Variants in RUNX3 observed in about 807,000 individuals in gnomAD.
RUNX3 encodes the protein runt-related transcription factor 3.
Under a neutral mutation model 27.7 loss-of-function variants are expected in RUNX3, and 10 were observed. That is an observed-to-expected ratio of 0.36 (90% CI 0.22 to 0.61). RUNX3 has a LOEUF of 0.61. Among genes scored for constraint, RUNX3 ranks in the 20% least tolerant of loss-of-function variants. RUNX3 has a pLI of 0.72. For missense variants in RUNX3, 469 were observed against 629.5 expected, an observed-to-expected ratio of 0.75 and a Z score of 2.73; for synonymous variants, 270 against 269.2, an observed-to-expected ratio of 1.00 and a Z score of -0.03.
At chr1:24,964,441 C>G in intron 2 of RUNX3, 1 of 1,236,144 alleles carries the variant, frequency 8.1e-7, no homozygotes, top group Non-Finnish European at 1.2e-6. Flanking sequence ...GCAGCCAGGG[C>G]GGTCAGTGGA....
At chr1:24,929,187 G>A (rs1356785451) in intron 1 of RUNX3, 3 of 484,850 alleles carry the variant, frequency 6.2e-6, no homozygotes, top group South Asian at 1.5e-5. Context: ...GCTGGAGGCG[G>A]AGGGTAGGCC....
At chr1:24,918,004 G>T (rs2124278605) in intron 3 of RUNX3, among the ~76,000 whole-genome samples, 1 of 152,316 alleles carries the variant, frequency 6.6e-6, no homozygotes, top group East Asian at 1.9e-4. Context: ...TGTGGCCAGG[G>T]CAAGTGCTGG....
rs764752041 is a variant in RUNX3 at position 24,901,902 on chromosome 1, C to G, written c.*220G>C. 5.0e-4 allele frequency: 262 copies of G among 525,520 alleles called. No homozygotes were observed. The highest frequency in any genetic ancestry group is 7.4e-4 in the Non-Finnish European group (220 of 297,738). The allele number at this position is 525,520 out of a possible 1,614,324, so 32.6% of individuals were successfully genotyped here. A position where few individuals can be genotyped will look rare whatever the true frequency, so the allele number is the denominator to read the frequency against. ...AGACGGCCAGGATCTGGGCCGGGGG[C>G]AGTATCCCGGGCCGGGGTGGGGGTG... On this transcript the variant is annotated 3_prime_UTR_variant, in exon 5 of 5. Transcript: ENST00000308873.
At position 24,901,979 on chromosome 1, in the gene RUNX3, TC is replaced by T; in HGVS notation, c.*142del. The T allele has an allele frequency of 1.4e-6, 1 of 734,386 alleles. No individual in the cohort carries two copies. The highest frequency in any genetic ancestry group is 2.2e-6 in the Non-Finnish European group (1 of 461,568). The allele number at this position is 734,386 out of a possible 1,614,324, so 45.5% of individuals were successfully genotyped here. A position where few individuals can be genotyped will look rare whatever the true frequency, so the allele number is the denominator to read the frequency against. On this transcript the variant is annotated 3_prime_UTR_variant, in exon 5 of 5. Coordinates refer to ENST00000308873, the MANE Select transcript of RUNX3 (RefSeq NM_004350.3). The stretch of plus-strand genomic sequence containing the variant: ...TGGCTGCACAGATGCAGCCAGAGGC[TC>T]CCACCAGCTGGGACCACCCTGGGAC...
At chr1:24,926,117 G>C (rs1641094960) in intron 2 of RUNX3, among the ~76,000 whole-genome samples, 1 of 152,228 alleles carries the variant, frequency 6.6e-6, no homozygotes, top group African/African-American at 2.4e-5. Flanking sequence ...GCAACAGGCA[G>C]CAGCTATAGT....
rs1363445763 is a variant in RUNX3, at chr1:24,899,952, G to C, written c.*2170C>G. ...ACGGCTGCCGTCACTTTTTGTCAGG[G>C]GATGGGGGATGGGGTAGGAAGAGCA... On this transcript the variant is annotated 3_prime_UTR_variant, in exon 5 of 5. Coordinates refer to ENST00000308873, the MANE Select transcript of RUNX3 (RefSeq NM_004350.3). The C allele has an allele frequency of 6.6e-6, 1 of 152,464 alleles. No homozygotes were observed. Among genetic ancestry groups the C allele is most frequent in the African/African-American group, 2.4e-5 (1 of 41,430 alleles). The allele number at this position is 152,464 out of a possible 1,614,324, so 9.4% of individuals were successfully genotyped here. A position where few individuals can be genotyped will look rare whatever the true frequency, so the allele number is the denominator to read the frequency against.
At chr1:24,930,602 G>A (rs1287297981), upstream of RUNX3, among the ~76,000 whole-genome samples, 1 of 151,952 alleles carries the variant, frequency 6.6e-6, no homozygotes, top group Admixed American at 6.5e-5. The surrounding 1 kb of genome is among the most constrained non-coding windows in gnomAD (Gnocchi z 4.1). Flanking sequence ...TGACGCTGGG[G>A]CGCAACCCCT....
chr1:24,940,399 C>A (rs1419756054), intron 2 of RUNX3, among the ~76,000 whole-genome samples: 5 of 152,212 alleles, frequency 3.3e-5, no homozygotes, highest in African/African-American at 9.7e-5. Context: ...TGGGTTCCCA[C>A]CTTGCCATCT....
chr1:24,907,549 C>T (rs1394319530), intron 3 of RUNX3, 132 bp from the exon 4 acceptor site: 14 of 855,882 alleles, frequency 1.6e-5, no homozygotes, highest in South Asian at 5.4e-5. Flanking sequence ...CTGAGGTCAC[C>T]GCCAGCCTCT....
At chr1:24,948,655 G>A (rs888436362) in intron 2 of RUNX3, among the ~76,000 whole-genome samples, 4 of 151,094 alleles carry the variant, frequency 2.6e-5, no homozygotes, top group Non-Finnish European at 4.4e-5. Flanking sequence ...TGTGCAGGAC[G>A]GGGTGCATGT....
At chr1:24,961,471 A>T (rs1240661160) in intron 2 of RUNX3, 1 of 152,256 alleles carries the variant, frequency 6.6e-6, no homozygotes, top group Non-Finnish European at 1.5e-5. Context: ...GAGGCACCAA[A>T]TGCAACTCAC....
At chr1:24,929,293 AG>A in intron 1 of RUNX3, 1 of 643,798 alleles carries the variant, frequency 1.6e-6, no homozygotes. Flanking sequence ...GATCCGGGTT[AG>A]GGGGGCGCAA....
At chr1:24,935,363 C>T (rs1027971501) in intron 2 of RUNX3, among the ~76,000 whole-genome samples, 2 of 152,148 alleles carry the variant, frequency 1.3e-5, no homozygotes, top group African/African-American at 4.8e-5. Context: ...TGGTTGTGAC[C>T]CGAGGCCCCT....
intron 1 of RUNX3, chr1:24,928,858 C>T (rs1428999593): frequency 5.5e-6 from 2 of 361,008 alleles, no homozygotes; most frequent in Non-Finnish European, 5.4e-6. Flanking sequence ...GCCCTTCCTG[C>T]CCTGCCCTTT....
At chr1:24,931,063 GC>G (rs923793882), upstream of RUNX3, among the ~76,000 whole-genome samples, 1 of 152,246 alleles carries the variant, frequency 6.6e-6, no homozygotes, top group Non-Finnish European at 1.5e-5. Flanking sequence ...ACACGACGAG[GC>G]CTGCAAAATG....
At chr1:24,964,647 T>G (rs1165260725) in exon 2 of RUNX3, 2 of 1,545,680 alleles carry the variant, frequency 1.3e-6, no homozygotes, top group African/African-American at 2.7e-5. Context: ...GGCTGTTGTT[T>G]TATTTTTTTT....
chr1:24,960,115 C>A (rs910079890), intron 2 of RUNX3, among the ~76,000 whole-genome samples: 1 of 152,254 alleles, frequency 6.6e-6, no homozygotes, highest in African/African-American at 2.4e-5. Context: ...CCCAAAAAAC[C>A]TTTGTCACGC....
chr1:24,929,837 C>T lies in RUNX3; in HGVS notation c.32G>A (p.Arg11His). Residue 11 changes from arginine (R) to histidine (H), a missense_variant, in exon 1 of 5, where the codon CGC (arginine) becomes CAC (histidine). Arg to His is a conservative substitution (Grantham distance 29). Around this residue, in one of 3 missense-constraint regions of RUNX3, gnomAD observed 115 missense variants for 118.0 expected, o/e 0.97. Coordinates refer to ENST00000308873, the MANE Select transcript of RUNX3 (RefSeq NM_004350.3). The stretch of plus-strand genomic sequence containing the variant: ...GGCCGGGGAGGGAGGTGTGAAGCGG[C>T]GGCTGGTGCTTGGGTCTACGGGAAT... MRIPVDPSTS[R>H]RFTPPSPAFP... 3 of 1,396,510 alleles carry T rather than the reference C, an allele frequency of 2.1e-6. No individual in the cohort carries two copies. Among genetic ancestry groups the T allele is most frequent in the Non-Finnish European group, 1.8e-6 (2 of 1,086,020 alleles). The allele number at this position is 1,396,510 out of a possible 1,614,324, so 86.5% of individuals were successfully genotyped here.
chr1:24,946,030 C>T (rs1235398115), intron 2 of RUNX3, among the ~76,000 whole-genome samples: 1 of 152,006 alleles, frequency 6.6e-6, no homozygotes, highest in African/African-American at 2.4e-5. Context: ...TAGGGGGGTT[C>T]CCAGAAGCAT....
Sources: gnomAD v4.1 joint callset for allele counts (sites outside exome capture counted in the v4.1 genomes callset) on GRCh38, gnomAD v4.1.1 for gene constraint, gnomAD v4.1.1 regional missense constraint, Gnocchi (gnomAD v3.1) non-coding constraint, MANE v1.5 for transcripts, NCBI Gene and HGNC (gene_info 2026-07-23, HGNC 2026-07-21) for gene names.